The following TNRC6A variants were observed in gnomAD, a reference collection of about 807,000 sequenced individuals.
The protein encoded by TNRC6A is trinucleotide repeat containing adaptor 6A.
A neutral mutation model predicts 221.2 loss-of-function variants in TNRC6A; 44 were observed. The ratio of observed to expected loss-of-function variants is 0.20; its 90% CI spans 0.16 to 0.26. The LOEUF (loss-of-function observed/expected upper bound fraction) is 0.26, where lower values mean the gene tolerates loss of function less well. TNRC6A is among the 10% of genes least tolerant of loss of function. TNRC6A has a pLI of 1.00. For missense variants in TNRC6A, 2,199 were observed against 2,404.4 expected, an observed-to-expected ratio of 0.91 and a Z score of 1.79; for synonymous variants, 847 against 838.5, an observed-to-expected ratio of 1.01 and a Z score of -0.18.
At chr16:24,678,706 A>G (rs1249261698) in intron 2 of TNRC6A, among the ~76,000 whole-genome samples, 1 of 152,208 alleles carries the variant, frequency 6.6e-6, no homozygotes, top group African/African-American at 2.4e-5. Flanking sequence ...CCCTGCCTCA[A>G]AAAAGATTCT....
chr16:24,809,253 C>CTA (rs2058495292), intron 17 of TNRC6A, 97 bp from the exon 18 acceptor site: 1 of 1,125,544 alleles, frequency 8.9e-7, no homozygotes, highest in Non-Finnish European at 1.2e-6. Context: ...GGTTTGAAAA[C>CTA]ATTAGTTACA....
intron 1 of TNRC6A, among the ~76,000 whole-genome samples, chr16:24,614,162 T>G (rs921021254): frequency 1.3e-5 from 2 of 152,204 alleles, no homozygotes; most frequent in African/African-American, 4.8e-5. Flanking sequence ...CGTGTCTCCC[T>G]AGCTAGAGGG....
intron 2 of TNRC6A, among the ~76,000 whole-genome samples, chr16:24,696,789 A>T (rs975344148): frequency 1.7e-5 from 1 of 58,754 alleles, no homozygotes; most frequent in Non-Finnish European, 3.4e-5. Context: ...AGGGGGAGGG[A>T]GGGAGGGAGG....
At chr16:24,702,100 C>CT (rs1393088483) in intron 2 of TNRC6A, among the ~76,000 whole-genome samples, 3 of 65,086 alleles carry the variant, frequency 4.6e-5, no homozygotes, top group African/African-American at 2.1e-4. Context: ...CTTTTCTTTT[C>CT]TTTTTTCTTT....
At chr16:24,805,217 G>T in intron 14 of TNRC6A, 66 bp downstream of exon 14, 1 of 1,580,548 alleles carries the variant, frequency 6.3e-7, no homozygotes, top group South Asian at 1.1e-5. Flanking sequence ...TTTTGTATTT[G>T]AATAAAATGG....
intron 2 of TNRC6A, among the ~76,000 whole-genome samples, chr16:24,737,226 C>CATT (rs1408001529): frequency 6.6e-6 from 1 of 152,126 alleles, no homozygotes; most frequent in Non-Finnish European, 1.5e-5. Flanking sequence ...CTCAAAGGGT[C>CATT]ATTACTCCTC....
intron 2 of TNRC6A, among the ~76,000 whole-genome samples, chr16:24,721,405 A>G (rs1415498338): frequency 6.6e-6 from 1 of 152,176 alleles, no homozygotes; most frequent in Non-Finnish European, 1.5e-5. Flanking sequence ...GCGGTGGCTC[A>G]TGCCTGTAAT....
chr16:24,783,654 T>TG (rs2057903077), intron 5 of TNRC6A, among the ~76,000 whole-genome samples: 1 of 152,206 alleles, frequency 6.6e-6, no homozygotes, highest in Admixed American at 6.5e-5. Flanking sequence ...TTCCAAATCT[T>TG]AAGTTTGCCT....
In TNRC6A at chr16:24,791,352, C is replaced by T. The variant is rs1483647912; in HGVS notation, c.2710C>T (p.Pro904Ser). The stretch of plus-strand genomic sequence containing the variant: ...TTTCACTTGGGGAAACAACATAAAT[C>T]CAAATAATTCATCAGGATGGGATGA... The part of the protein sequence containing the change: ...SSFTWGNNIN[P>S]NNSSGWDESS... The change falls in exon 6 of 25, where the codon CCA (proline) becomes TCA (serine). Residue 904 changes from proline to serine, a missense_variant. Coordinates refer to ENST00000395799, the MANE Select transcript of TNRC6A (RefSeq NM_014494.4). The T allele has an allele frequency of 6.3e-7, 1 of 1,598,072 alleles. No individual in the cohort carries two copies.
At chr16:24,812,751 C>CCTAGTTT (rs1477403606) in intron 18 of TNRC6A, among the ~76,000 whole-genome samples, 2 of 152,080 alleles carry the variant, frequency 1.3e-5, no homozygotes, top group Non-Finnish European at 2.9e-5. Flanking sequence ...AATGAAATTG[C>CCTAGTTT]CTAGTTTCTC....
At chr16:24,668,011 C>A (rs565385391) in intron 2 of TNRC6A, among the ~76,000 whole-genome samples, 3 of 151,392 alleles carry the variant, frequency 2.0e-5, no homozygotes, top group African/African-American at 7.3e-5. Context: ...GGCAACAGAG[C>A]AAGACCCTGT....
intron 4 of TNRC6A, among the ~76,000 whole-genome samples, chr16:24,770,601 C>T (rs895504283): frequency 6.6e-6 from 1 of 152,096 alleles, no homozygotes; most frequent in Non-Finnish European, 1.5e-5. Context: ...GATAGTTAAG[C>T]CATTACCTAA....
chr16:24,680,265 A>G (rs953267202), intron 2 of TNRC6A, among the ~76,000 whole-genome samples: 11 of 151,656 alleles, frequency 7.3e-5, no homozygotes, highest in Non-Finnish European at 1.3e-4. Context: ...ATGCAGAAAA[A>G]AAAAAAGTAT....
At chr16:24,732,895 C>T (rs1337828769) in intron 2 of TNRC6A, among the ~76,000 whole-genome samples, 1 of 152,178 alleles carries the variant, frequency 6.6e-6, no homozygotes, top group Non-Finnish European at 1.5e-5. Context: ...ACGTGAAAGC[C>T]TCCAAACTTT....
At chr16:24,804,390 T>G in intron 12 of TNRC6A, 71 bp downstream of exon 12, 1 of 1,492,558 alleles carries the variant, frequency 6.7e-7, no homozygotes, top group Non-Finnish European at 9.0e-7. Context: ...CACACTAATA[T>G]TTTAAAACCT....
At chr16:24,666,854 A>T (rs111706320) in intron 2 of TNRC6A, among the ~76,000 whole-genome samples, 6,089 of 150,514 alleles carry the variant, frequency 0.04, 270 homozygotes, top group East Asian at 0.14. Context: ...GGTGGCTCAC[A>T]CCTGTAATCC....
chr16:24,621,672 A>G (rs1209052055), intron 1 of TNRC6A, among the ~76,000 whole-genome samples: 1 of 152,002 alleles, frequency 6.6e-6, no homozygotes, highest in Admixed American at 6.6e-5. Flanking sequence ...TTTCTTAGCT[A>G]GATCATTGGT....
intron 2 of TNRC6A, among the ~76,000 whole-genome samples, chr16:24,648,418 C>A (rs552142272): frequency 6.6e-6 from 1 of 151,856 alleles, no homozygotes; most frequent in South Asian, 2.1e-4. Context: ...CTACAGGTGC[C>A]CACCACCACG....
chr16:24,633,921 A>G (rs1901488062), intron 1 of TNRC6A, among the ~76,000 whole-genome samples: 1 of 151,900 alleles, frequency 6.6e-6, no homozygotes, highest in Non-Finnish European at 1.5e-5. Flanking sequence ...CTGGGATTAC[A>G]GTCATGCACC....
Sources: gnomAD v4.1 joint callset for allele counts (sites outside exome capture counted in the v4.1 genomes callset) on GRCh38, gnomAD v4.1.1 for gene constraint, MANE v1.5 for transcripts, NCBI Gene and HGNC (gene_info 2026-07-23, HGNC 2026-07-21) for gene names.